COL4A1: variants seen among roughly 807,000 people sequenced by gnomAD.
The protein encoded by COL4A1 is collagen alpha-1(IV) chain.
COL4A1 carries 40 observed loss-of-function variants against 216.6 expected under a neutral mutation model. The observed-to-expected ratio is 0.18, with a 90% confidence interval of 0.14 to 0.24. COL4A1 has a LOEUF of 0.24. Ranked by LOEUF, COL4A1 falls within the 10% of genes least tolerant of loss-of-function variation. The pLI is 1.00. For synonymous variants in COL4A1, 839 were observed against 810.7 expected (o/e 1.03, Z -0.59); for missense variants, 1,628 against 2,196.8 (o/e 0.74, Z 5.18).
Position 110,203,978 on chromosome 13 carries a change from T to C in COL4A1, c.958-371A>G, listed in dbSNP as rs578169570. ...TAAAAAGAGAAATGAAATAAAATAA[T>C]ATAAAAGCATGATTTCCAAATACAT... On this transcript the variant is annotated intron_variant, in intron 17 of 51. Transcript: ENST00000375820. Among the ~76,000 whole-genome samples, 79 of 152,310 alleles carry C rather than the reference T, an allele frequency of 5.2e-4. 2 individuals are homozygous for C. In the South Asian group the frequency reaches 0.015, roughly 29 times the overall value.
intron 1 of COL4A1, among the ~76,000 whole-genome samples, chr13:110,287,754 G>A (rs1049344223): frequency 6.6e-6 from 1 of 152,210 alleles, no homozygotes; most frequent in Non-Finnish European, 1.5e-5. Flanking sequence ...GGAAGCACAT[G>A]AGAGCCCAAC....
intron 1 of COL4A1, among the ~76,000 whole-genome samples, chr13:110,249,257 G>A (rs1057042589): frequency 6.6e-6 from 1 of 152,014 alleles, no homozygotes; most frequent in African/African-American, 2.4e-5. Context: ...TGCGGGCGGT[G>A]ACTACACGGG....
At chr13:110,296,817 G>C (rs1344320006) in intron 1 of COL4A1, among the ~76,000 whole-genome samples, 1 of 152,176 alleles carries the variant, frequency 6.6e-6, no homozygotes. Context: ...CCTGGGGTTT[G>C]ATTAACCTGC....
chr13:110,206,044 A>G (rs866345872), intron 15 of COL4A1, among the ~76,000 whole-genome samples: 3 of 152,346 alleles, frequency 2.0e-5, no homozygotes, highest in South Asian at 4.1e-4. Flanking sequence ...AACAGTTACA[A>G]TATAAGAGAA....
chr13:110,291,349 G>A (rs557777969), intron 1 of COL4A1, among the ~76,000 whole-genome samples: 46 of 152,308 alleles, frequency 3.0e-4, no homozygotes, highest in Non-Finnish European at 3.2e-4. Flanking sequence ...AGGCAATGGC[G>A]AGGGAGCTTT....
rs139071692 is a variant in COL4A1 at position 110,269,084 on chromosome 13, C to T, written c.85-26350G>A. On this transcript the variant is annotated intron_variant, in intron 1 of 51. Transcript: ENST00000375820. ...AAGTGCCAGCTGTATTGACAGCATG[C>T]TCTACTAACAAAGGGCTGTGCATAA... Among the ~76,000 whole-genome samples, 680 of 152,316 alleles carry T rather than the reference C, an allele frequency of 4.5e-3. 9 individuals carry two copies. Among genetic ancestry groups the T allele is most frequent in the African/African-American group, 0.016 (661 of 41,564 alleles).
At chr13:110,171,169 T>C (rs1348480497) in intron 41 of COL4A1, among the ~76,000 whole-genome samples, 3 of 152,252 alleles carry the variant, frequency 2.0e-5, no homozygotes, top group African/African-American at 7.2e-5. Flanking sequence ...ACCACTGGGC[T>C]GGATCTCAAA....
chr13:110,178,112 G>C lies in COL4A1; in HGVS notation c.2578C>G (p.Pro860Ala), dbSNP rs750811278. 24 of 1,614,148 alleles carry C rather than the reference G, an allele frequency of 1.5e-5. No homozygotes were observed. The South Asian group carries it at 2.1e-4, about 14-fold the overall frequency. Residue 860 changes from proline to alanine, a missense_variant, in exon 32 of 52, where the codon CCT (proline) becomes GCT (alanine). Pro to Ala is a conservative substitution (Grantham distance 27). Around this residue, in one of 8 missense-constraint regions of COL4A1, gnomAD observed 701 missense variants for 892.5 expected, o/e 0.79. Transcript: ENST00000375820. ...LPGITGQSGL[P>A]GLPGQQGAPG... ...GCCCCCTGCTGTCCAGGAAGGCCAG[G>C]GAGCCCCGACTGTCCCGTTATGCCA...
intron 1 of COL4A1, among the ~76,000 whole-genome samples, chr13:110,272,050 C>G (rs1443627433): frequency 6.6e-6 from 1 of 152,138 alleles, no homozygotes; most frequent in Non-Finnish European, 1.5e-5. Flanking sequence ...TGTCAATACT[C>G]AATATCAAAG....
At chr13:110,150,548 C>G in intron 51 of COL4A1, 104 bp from the exon 52 acceptor site, 1 of 1,204,946 alleles carries the variant, frequency 8.3e-7, no homozygotes, top group Non-Finnish European at 1.2e-6. Flanking sequence ...CAGCCCAGCC[C>G]CTGGCATCAG....
intron 1 of COL4A1, chr13:110,265,582 A>C (rs903634026): frequency 3.3e-5 from 5 of 152,266 alleles, no homozygotes; most frequent in African/African-American, 1.2e-4. Flanking sequence ...GACACAGCCC[A>C]GCCAACTGAC....
chr13:110,299,681 G>A (rs903355), intron 1 of COL4A1, among the ~76,000 whole-genome samples: 142,365 of 152,276 alleles, frequency 0.93, 67,279 homozygotes, highest in East Asian at 1. Flanking sequence ...TAGTTGAGAC[G>A]TTGCCATCGC....
intron 1 of COL4A1, among the ~76,000 whole-genome samples, chr13:110,297,387 G>A (rs1022565091): frequency 4.0e-5 from 6 of 151,392 alleles, no homozygotes; most frequent in East Asian, 3.8e-4. Flanking sequence ...TACCAGTATC[G>A]TGTCTGCGAC....
At chr13:110,304,525 C>G (rs1884610019) in intron 1 of COL4A1, among the ~76,000 whole-genome samples, 1 of 152,188 alleles carries the variant, frequency 6.6e-6, no homozygotes, top group South Asian at 2.1e-4. Flanking sequence ...AACTGAGTGA[C>G]TAAGAGTAGA....
intron 33 of COL4A1, 89 bp from the exon 34 acceptor site, chr13:110,177,126 G>C: frequency 1.9e-6 from 3 of 1,586,988 alleles, no homozygotes; most frequent in Non-Finnish European, 2.6e-6. Context: ...AGGGACAGCA[G>C]CTGGCAAAAA....
chr13:110,205,551 G>A lies in COL4A1; in HGVS notation c.859-13C>T. 1.2e-6 allele frequency: 2 copies of A among 1,613,228 alleles called. No homozygotes were observed. The highest frequency in any genetic ancestry group is 1.7e-6 in the Non-Finnish European group (2 of 1,179,254). ...TTCCGGGTTTGCCCTGTAGAATAAA[G>A]ATGTAAACGTTAGTATTTAATAAAT... On this transcript the variant is annotated splice_polypyrimidine_tract_variant and intron_variant, in intron 15 of 51. Transcript: ENST00000375820.
chr13:110,177,593 T>A (rs1877943169), intron 33 of COL4A1, among the ~76,000 whole-genome samples: 1 of 152,128 alleles, frequency 6.6e-6, no homozygotes, highest in African/African-American at 2.4e-5. Flanking sequence ...AAGAAGAATC[T>A]CATCTGTGCC....
chr13:110,209,967 C>T lies in COL4A1; in HGVS notation c.615+13G>A. 6.2e-7 allele frequency: 1 copy of T among 1,614,040 alleles called. No homozygotes were observed. Among genetic ancestry groups the T allele is most frequent in the African/African-American group, 1.3e-5 (1 of 75,030 alleles). On this transcript the variant is annotated intron_variant, in intron 10 of 51. Transcript: ENST00000375820. The stretch of plus-strand genomic sequence containing the variant: ...TAAATGATTGCCTCGGAGAGACAGC[C>T]CCCAAAACTTACTGGTGGTCCGGTA...
Position 110,247,830 on chromosome 13 carries a change from TGTGTGG to T in COL4A1, c.85-5102_85-5097del, listed in dbSNP as rs1158326072. ...GTGTGTGTGTGTGTGTGTGTGTGTG[TGTGTGG>T]CAGAGAGAGAGGGAGGGAGGGAGGG... On this transcript the variant is annotated intron_variant, in intron 1 of 51. Coordinates refer to ENST00000375820, the MANE Select transcript of COL4A1 (RefSeq NM_001845.6). Among the ~76,000 whole-genome samples, 381 of 113,210 alleles carry T rather than the reference TGTGTGG, an allele frequency of 3.4e-3. 3 individuals carry two copies. The highest frequency in any genetic ancestry group is 9.2e-3 in the East Asian group (33 of 3,586). The allele number at this position is 113,210 out of a possible 152,430, so 74.3% of individuals were successfully genotyped here.
Sources: gnomAD v4.1 joint callset for allele counts (sites outside exome capture counted in the v4.1 genomes callset) on GRCh38, gnomAD v4.1.1 for gene constraint, gnomAD v4.1.1 regional missense constraint, MANE v1.5 for transcripts, NCBI Gene and HGNC (gene_info 2026-07-23, HGNC 2026-07-21) for gene names.